SRGAP2B: variants seen among roughly 807,000 people sequenced by gnomAD.
SRGAP2B encodes the protein SLIT-ROBO Rho GTPase activating protein 2B.
SRGAP2B carries 9 observed loss-of-function variants against 22.2 expected under a neutral mutation model. The observed-to-expected ratio is 0.41, with a 90% confidence interval of 0.24 to 0.71. The LOEUF (loss-of-function observed/expected upper bound fraction) is 0.71. SRGAP2B is among the 30% of genes least tolerant of loss of function. The pLI, the probability that SRGAP2B is intolerant of heterozygous loss-of-function variation, is 0.35. For synonymous variants in SRGAP2B, 36 were observed against 87.4 expected, an observed-to-expected ratio of 0.41 and a Z score of 3.28; for missense variants, 114 against 235.8, an observed-to-expected ratio of 0.48 and a Z score of 3.38.
intron 3 of SRGAP2B, among the ~76,000 whole-genome samples, chr1:144,960,510 T>C (rs1457435054): frequency 5.3e-5 from 8 of 150,364 alleles, no homozygotes; most frequent in Non-Finnish European, 1.0e-4. Flanking sequence ...GGACTATTTA[T>C]GGACGTTCAA....
rs1320840424 is a variant in SRGAP2B, at chr1:144,952,759, C to G, written c.423+2680G>C. 1.3e-5 allele frequency among the ~76,000 whole-genome samples: 2 copies of G among 150,692 alleles called. 1 individual carries two copies. The highest frequency in any genetic ancestry group is 5.0e-5 in the African/African-American group (2 of 40,256). ...GGCTCATGCAATACTCCCACCTCAG[C>G]ATCCCAAGTAGCTGTGGCTACAGGC... On this transcript the variant is annotated intron_variant, in intron 4 of 9. Coordinates refer to ENST00000612199, the Ensembl canonical transcript of SRGAP2B.
chr1:144,976,845 T>A (rs1217829526), intron 3 of SRGAP2B, among the ~76,000 whole-genome samples: 2 of 53,650 alleles, frequency 3.7e-5, no homozygotes, highest in East Asian at 1.0e-3. Context: ...GTGGGGGTGA[T>A]GGAAAAGCTC....
At chr1:145,017,174 C>A (rs1415996947) in intron 2 of SRGAP2B, among the ~76,000 whole-genome samples, 1 of 144,676 alleles carries the variant, frequency 6.9e-6, no homozygotes, top group Non-Finnish European at 1.5e-5. Context: ...AAGCGATCTG[C>A]CCAACTCAGC....
intron 2 of SRGAP2B, among the ~76,000 whole-genome samples, chr1:145,009,604 A>G (rs1553621904): frequency 1.3e-5 from 2 of 149,976 alleles, no homozygotes; most frequent in African/African-American, 5.0e-5. Flanking sequence ...AAAAAAAACA[A>G]AATTGGCCCT....
intron 2 of SRGAP2B, among the ~76,000 whole-genome samples, chr1:145,080,252 T>C (rs587650285): frequency 6.7e-6 from 1 of 148,704 alleles, no homozygotes; most frequent in African/African-American, 2.6e-5. Flanking sequence ...AGTGATCCAG[T>C]CACAAGTTCA....
intron 7 of SRGAP2B, among the ~76,000 whole-genome samples, chr1:144,904,754 G>T (rs1168505980): frequency 3.2e-5 from 3 of 94,154 alleles, no homozygotes; most frequent in African/African-American, 1.2e-4. Context: ...GCAGATAGAC[G>T]AGTGTAGTGG....
intron 3 of SRGAP2B, among the ~76,000 whole-genome samples, chr1:144,989,006 T>C (rs1160902629): frequency 7.3e-6 from 1 of 136,538 alleles, no homozygotes; most frequent in African/African-American, 2.9e-5. Flanking sequence ...CCACTTTTTT[T>C]TTTTTTTTTT....
intron 8 of SRGAP2B, among the ~76,000 whole-genome samples, chr1:144,896,461 CCT>C (rs1662339103): frequency 7.2e-6 from 1 of 139,172 alleles, no homozygotes; most frequent in African/African-American, 2.8e-5. Context: ...TTCATGCTCC[CCT>C]GTCTGGGCAA....
At chr1:144,955,663 A>G (rs1553610178) in intron 3 of SRGAP2B, 62 bp from the exon 4 acceptor site, 4 of 592,494 alleles carry the variant, frequency 6.8e-6, no homozygotes, top group Non-Finnish European at 1.2e-5. Context: ...AACATCTACA[A>G]CTATAGTCCG....
At chr1:144,970,834 AGCAGACCTGCCCT>A (rs1668457653) in intron 3 of SRGAP2B, among the ~76,000 whole-genome samples, 1 of 150,254 alleles carries the variant, frequency 6.7e-6, no homozygotes, top group Admixed American at 6.6e-5. Context: ...AAGCAGGGAC[AGCAGACCTGCCCT>A]GCCTAACACA....
intron 4 of SRGAP2B, among the ~76,000 whole-genome samples, chr1:144,944,697 T>G: frequency 6.9e-6 from 1 of 145,464 alleles, no homozygotes; most frequent in East Asian, 2.0e-4. Context: ...ATTTATTTAT[T>G]TATTTATTTA....
intron 2 of SRGAP2B, among the ~76,000 whole-genome samples, chr1:144,999,899 T>TA (rs1214724812): frequency 6.8e-6 from 1 of 147,716 alleles, no homozygotes; most frequent in Admixed American, 6.7e-5. Flanking sequence ...TGAATATGTT[T>TA]AAAAAATTGA....
At chr1:144,930,615 G>A (rs1383602612) in intron 4 of SRGAP2B, among the ~76,000 whole-genome samples, 1 of 150,782 alleles carries the variant, frequency 6.6e-6, no homozygotes, top group Non-Finnish European at 1.5e-5. Flanking sequence ...TGAGACATGT[G>A]AAAATGTCAG....
intron 3 of SRGAP2B, among the ~76,000 whole-genome samples, chr1:144,969,866 AT>A (rs1246645880): frequency 1.3e-5 from 2 of 150,942 alleles, no homozygotes; most frequent in African/African-American, 4.9e-5. Context: ...AAAAGAAGAC[AT>A]TTATGCAGCC....
intron 4 of SRGAP2B, among the ~76,000 whole-genome samples, chr1:144,942,496 T>A (rs1395296927): frequency 2.0e-5 from 3 of 150,628 alleles, no homozygotes; most frequent in Non-Finnish European, 4.4e-5. Context: ...CTTGGCTCAC[T>A]GCAACCTCTG....
chr1:145,084,765 G>A lies in SRGAP2B; in HGVS notation c.67+8070C>T, dbSNP rs1653247595. Among the ~76,000 whole-genome samples the A allele has an allele frequency of 9.2e-5, 14 of 151,602 alleles. No individual in the cohort carries two copies. The South Asian group carries it at 2.9e-3, about 32-fold the overall frequency. On this transcript the variant is annotated intron_variant, in intron 2 of 9. Transcript: ENST00000612199. ...CATGTCTACCTTAGAAAGTTGGTCT[G>A]TATTTAGCAGGCAATAGGGAGTCAA...
intron 4 of SRGAP2B, among the ~76,000 whole-genome samples, chr1:144,915,407 C>T (rs1372131136): frequency 6.6e-6 from 1 of 150,640 alleles, no homozygotes; most frequent in Non-Finnish European, 1.5e-5. Flanking sequence ...CCAGGGCTGA[C>T]ATCTAACTAC....
chr1:144,951,156 TG>T (rs1391025105), intron 4 of SRGAP2B, among the ~76,000 whole-genome samples: 10 of 146,562 alleles, frequency 6.8e-5, no homozygotes, highest in Admixed American at 3.4e-4. Context: ...CCCTCTGTTT[TG>T]TTTTTTGTTT....
intron 5 of SRGAP2B, among the ~76,000 whole-genome samples, chr1:144,912,001 A>C (rs1421875033): frequency 7.7e-6 from 1 of 129,426 alleles, no homozygotes; most frequent in East Asian, 2.2e-4. Flanking sequence ...CCCAGGCTGG[A>C]GTGCAGTGGC....
Sources: allele counts gnomAD v4.1 joint callset (sites outside exome capture counted in the v4.1 genomes callset), GRCh38; gene constraint gnomAD v4.1.1; transcripts MANE v1.5; gene names NCBI Gene and HGNC (gene_info 2026-07-23, HGNC 2026-07-21).